The following MUC5B variants were observed in gnomAD, a reference collection of about 807,000 sequenced individuals.
MUC5B encodes mucin 5B, oligomeric mucus/gel-forming.
In MUC5B, 116 loss-of-function variants were observed where a neutral mutation model predicts 376.9. The observed-to-expected ratio is 0.31, with a 90% CI of 0.26 to 0.36. The LOEUF is 0.36. MUC5B is among the 10% of genes least tolerant of loss of function. The pLI is 1.00. For missense variants in MUC5B, 7,165 were observed against 7,769.9 expected (o/e 0.92, Z 2.93); for synonymous variants, 3,517 against 3,390.9 (o/e 1.04, Z -1.29).
chr11:1,234,980 G>A lies in MUC5B; in HGVS notation c.2631-105G>A. On this transcript the variant is annotated intron_variant, in intron 21 of 48. Transcript: ENST00000529681. This position sits in a 1 kb window ranked among gnomAD's most constrained non-coding sequence, Gnocchi z 6.3. Reference sequence around the variant, plus strand: ...CGGAGGAGGGGTCAGGCTGGGCCTGGGGAGGCTGAGGCCCCGTGCTGACCT... The same window carrying A: ...CGGAGGAGGGGTCAGGCTGGGCCTGAGGAGGCTGAGGCCCCGTGCTGACCT... 7.0e-7 allele frequency: 1 copy of A among 1,425,438 alleles called. No homozygotes were observed. Among genetic ancestry groups the A allele is most frequent in the Non-Finnish European group, 9.3e-7 (1 of 1,078,444 alleles). The allele number at this position is 1,425,438 out of a possible 1,614,324, so 88.3% of individuals were successfully genotyped here.
At position 1,234,054 on chromosome 11, in the gene MUC5B, G is replaced by T. The variant is rs1469895932; in HGVS notation, c.2378-151G>T. 5 of 794,678 alleles carry T rather than the reference G, an allele frequency of 6.3e-6. No homozygotes were observed. The African/African-American group carries it at 8.5e-5, about 14-fold the overall frequency. The allele number at this position is 794,678 out of a possible 1,614,324, so 49.2% of individuals were successfully genotyped here. On this transcript the variant is annotated intron_variant, in intron 19 of 48. Coordinates refer to ENST00000529681, the MANE Select transcript of MUC5B (RefSeq NM_002458.3). This position sits in a 1 kb window ranked among gnomAD's most constrained non-coding sequence, Gnocchi z 6.3. Reference sequence around the variant, plus strand: ...GTCTCTGCCCCGCAGTGTGGCCGGGGTGTCCTGGGGTTGGGGGCTGCAGGT... The same window carrying T: ...GTCTCTGCCCCGCAGTGTGGCCGGGTTGTCCTGGGGTTGGGGGCTGCAGGT...
In MUC5B at chr11:1,233,082, G is replaced by T; in HGVS notation, c.2135G>T (p.Cys712Phe). ...AYVVDACQPT[C>F]RGLSEADVTC... is the part of the protein sequence containing the mutation. The stretch of plus-strand genomic sequence containing the variant: ...GTGGTGGATGCCTGCCAGCCCACTT[G>T]CCGCGGCCTGAGTGAGGCCGACGTC... Residue 712 changes from cysteine (C) to phenylalanine (F), a missense_variant, in exon 18 of 49, where the codon TGC (cysteine) becomes TTC (phenylalanine). This residue lies in a region of MUC5B where 530 missense variants were observed against 604.0 expected (regional missense o/e 0.88). Transcript: ENST00000529681. 6.2e-7 allele frequency: 1 copy of T among 1,606,996 alleles called. No individual in the cohort carries two copies.
chr11:1,226,399 G>A (rs1033482032), intron 3 of MUC5B, 123 bp downstream of exon 3: 68 of 1,348,632 alleles, frequency 5.0e-5, no homozygotes, highest in East Asian at 1.0e-4. Context: ...AGAGTCCTCC[G>A]TGTGGGCGGT....
At position 1,246,609 on chromosome 11, in the gene MUC5B, C is replaced by T. The variant is rs1862478271; in HGVS notation, c.9729C>T (p.Ser3243=). The T allele has an allele frequency of 4.3e-6, 7 of 1,613,352 alleles. No homozygotes were observed. Among genetic ancestry groups the T allele is most frequent in the East Asian group, 2.2e-5 (1 of 44,862 alleles). Residue 3243 remains serine (S), a synonymous_variant, in exon 31 of 49, where the codon TCC becomes TCT. Coordinates refer to ENST00000529681, the MANE Select transcript of MUC5B (RefSeq NM_002458.3). ...CCAGCGTTACAGCCATCCCCTCTTC[C>T]TCCCTGGGCACCGCCTGGACCCGCC... The part of the protein sequence containing the change: ...TATSVTAIPS[S]SLGTAWTRLS...
rs1862619995 is a variant in MUC5B, at chr11:1,249,888, C to T, written c.13008C>T (p.Thr4336=). 3.7e-6 allele frequency: 6 copies of T among 1,613,686 alleles called. No individual in the cohort carries two copies. The highest frequency in any genetic ancestry group is 1.1e-5 in the South Asian group (1 of 91,078). Residue 4336 remains threonine, a synonymous_variant, in exon 31 of 49, where the codon ACC becomes ACT. Coordinates refer to ENST00000529681, the MANE Select transcript of MUC5B (RefSeq NM_002458.3). The stretch of plus-strand genomic sequence containing the variant: ...CCTCCACCCTTGGGACCACCGGGAC[C>T]CTCCCAGAACAGACCACCACACCCG... ...IPSSTLGTTG[T]LPEQTTTPVA...
In MUC5B at chr11:1,247,614, A is replaced by G; in HGVS notation, c.10734A>G (p.Ser3578=). ...TTGCEPQCAW[S]EWLDYSYPMP... ...GCTGTGAGCCCCAGTGTGCCTGGTCAGAGTGGCTGGACTACAGCTACCCCA... is the reference window on the plus strand; with the variant it reads ...GCTGTGAGCCCCAGTGTGCCTGGTCGGAGTGGCTGGACTACAGCTACCCCA... The change falls in exon 31 of 49, where the codon TCA becomes TCG. Residue 3578 remains serine, a synonymous_variant. Coordinates refer to ENST00000529681, the MANE Select transcript of MUC5B (RefSeq NM_002458.3). 6.2e-7 allele frequency: 1 copy of G among 1,610,428 alleles called. No individual in the cohort carries two copies. Among genetic ancestry groups the G allele is most frequent in the Non-Finnish European group, 8.5e-7 (1 of 1,179,254 alleles).
At chr11:1,255,301 G>GCGC in intron 36 of MUC5B, 35 bp downstream of exon 36, 2 of 1,507,818 alleles carry the variant, frequency 1.3e-6, no homozygotes, top group South Asian at 2.6e-5. Context: ...AGGCCCTGGG[G>GCGC]CGCCCCCGCC....
rs747082251 is a variant in MUC5B at position 1,227,050 on chromosome 11, C to T, written c.481C>T (p.Arg161Cys). 20 of 1,611,172 alleles carry T rather than the reference C, an allele frequency of 1.2e-5. No individual in the cohort carries two copies. The highest frequency in any genetic ancestry group is 5.5e-5 in the South Asian group (5 of 90,974). Reference protein sequence around the residue: ...NGQREELPYSRTGLLVEQSGD... With the variant: ...NGQREELPYSCTGLLVEQSGD... The stretch of plus-strand genomic sequence containing the variant: ...GCGCAGGGAGGAGCTGCCTTACAGC[C>T]GCACTGGCCTCCTGGTGGAGCAGAG... The change falls in exon 5 of 49, where the codon CGC (arginine) becomes TGC (cysteine). Residue 161 changes from arginine to cysteine, a missense_variant. Arg to Cys is a radical substitution (Grantham distance 180). Coordinates refer to ENST00000529681, the MANE Select transcript of MUC5B (RefSeq NM_002458.3).
At position 1,231,479 on chromosome 11, in the gene MUC5B, G is replaced by A. The variant is rs1226827857; in HGVS notation, c.1597G>A (p.Gly533Arg). The A allele has an allele frequency of 5.6e-6, 9 of 1,610,050 alleles. No homozygotes were observed. The highest frequency in any genetic ancestry group is 1.1e-5 in the South Asian group (1 of 90,562). Residue 533 changes from glycine to arginine, a missense_variant, in exon 14 of 49, where the codon GGG becomes AGG. By Grantham distance (125) the Gly-to-Arg change is moderately radical (BLOSUM62 -2). Transcript: ENST00000529681. ...CTTCATCGTGGTGCAGACAGGCCTG[G>A]GGCTGCAGCTGCTGGTGCAGCTGGT... Reference protein sequence around the residue: ...SFFIVVQTGLGLQLLVQLVPL... With the variant: ...SFFIVVQTGLRLQLLVQLVPL...
chr11:1,256,788 G>C lies in MUC5B; in HGVS notation c.16237+17G>C. The C allele has an allele frequency of 6.6e-7, 1 of 1,518,420 alleles. No individual in the cohort carries two copies. Among genetic ancestry groups the C allele is most frequent in the Non-Finnish European group, 8.8e-7 (1 of 1,133,012 alleles). 94.1% of individuals were successfully genotyped at this position (1,518,420 alleles called of 1,614,324 possible). A position where few individuals can be genotyped will look rare whatever the true frequency, so the allele number is the denominator to read the frequency against. Reference sequence around the variant, plus strand: ...AGGCCTGCCGTAAGCTCCGCCACCTGTGGCGGGATACGACCCTGGGCCCGA... The same window carrying C: ...AGGCCTGCCGTAAGCTCCGCCACCTCTGGCGGGATACGACCCTGGGCCCGA... On this transcript the variant is annotated intron_variant, in intron 39 of 48. Transcript: ENST00000529681.
chr11:1,248,611 G>A lies in MUC5B; in HGVS notation c.11731G>A (p.Gly3911Arg). The A allele has an allele frequency of 6.2e-7, 1 of 1,612,642 alleles. No homozygotes were observed. Among genetic ancestry groups the A allele is most frequent in the Non-Finnish European group, 8.5e-7 (1 of 1,179,504 alleles). The change falls in exon 31 of 49, where the codon GGG becomes AGG. Residue 3911 changes from glycine (G) to arginine (R), a missense_variant. Physicochemically the swap from Gly to Arg is moderately radical, Grantham distance 125 (BLOSUM62 -2). Around this residue, in one of 31 missense-constraint regions of MUC5B, gnomAD observed 242 missense variants for 199.0 expected, o/e 1.22. Transcript: ENST00000529681. ...CACGGTGACCCCCTCCTCCGTCCCG[G>A]GGACCACCCACACCCCCACAGTGCT... ...GSTVTPSSVP[G>R]TTHTPTVLTT...
In MUC5B at chr11:1,243,981, T is replaced by C; in HGVS notation, c.7101T>C (p.Gly2367=). The C allele has an allele frequency of 1.2e-6, 2 of 1,606,258 alleles. No individual in the cohort carries two copies. The highest frequency in any genetic ancestry group is 2.7e-5 in the African/African-American group (2 of 74,756). Residue 2367 remains glycine, a synonymous_variant, in exon 31 of 49, where the codon GGT becomes GGC. Transcript: ENST00000529681. ...AGTGCCGTGCCCAGGCCCAGCCTGG[T>C]GTCCCCCTGCGGGAGTTGGGCCAGG... ...GLECRAQAQP[G]VPLRELGQVV...
At chr11:1,236,334 C>T (rs1336649682) in intron 23 of MUC5B, 52 bp from the exon 24 acceptor site, 3 of 1,555,714 alleles carry the variant, frequency 1.9e-6, no homozygotes, top group Admixed American at 3.7e-5. Flanking sequence ...GTCTCAGGCC[C>T]CTCCCTGGGG....
chr11:1,231,863 G>A (rs2133811839), intron 14 of MUC5B, 133 bp from the exon 15 acceptor site: 2 of 1,280,182 alleles, frequency 1.6e-6, no homozygotes, highest in East Asian at 2.5e-5. Context: ...TATCTGCAGA[G>A]GGTTCTGGGA....
rs1019602676 is a variant in MUC5B, at chr11:1,253,852, C to T, written c.15218-240C>T. On this transcript the variant is annotated intron_variant, in intron 33 of 48. Transcript: ENST00000529681. This position sits in a 1 kb window ranked among gnomAD's most constrained non-coding sequence, Gnocchi z 4.3. Reference sequence around the variant, plus strand: ...TCATTTCAAGATGCTTCCCTTAATCCCATCTGCAAAGACACTTTCTCCCGG... The same window carrying T: ...TCATTTCAAGATGCTTCCCTTAATCTCATCTGCAAAGACACTTTCTCCCGG... Among the ~76,000 whole-genome samples the T allele has an allele frequency of 6.6e-6, 1 of 152,070 alleles. No individual in the cohort carries two copies. The highest frequency in any genetic ancestry group is 2.4e-5 in the African/African-American group (1 of 41,444).
chr11:1,242,439 G>A lies in MUC5B; in HGVS notation c.5559G>A (p.Thr1853=), dbSNP rs375963569. Residue 1853 remains threonine, a synonymous_variant, in exon 31 of 49, where the codon ACG becomes ACA. Transcript: ENST00000529681. ...VGQVLTCSLE[T]GLTCKNEDQT... is the part of the protein sequence containing the mutation. Reference sequence around the variant, plus strand: ...AGGTGCTGACCTGCAGCCTGGAGACGGGGCTGACCTGCAAGAACGAAGACC... The same window carrying A: ...AGGTGCTGACCTGCAGCCTGGAGACAGGGCTGACCTGCAAGAACGAAGACC... 18 of 1,613,624 alleles carry A rather than the reference G, an allele frequency of 1.1e-5. No individual in the cohort carries two copies. The African/African-American group carries it at 1.5e-4, about 13-fold the overall frequency.
Position 1,257,601 on chromosome 11 carries a change from G to A in MUC5B, c.16341G>A (p.Lys5447=), listed in dbSNP as rs770278679. 7 of 1,605,348 alleles carry A rather than the reference G, an allele frequency of 4.4e-6. No homozygotes were observed. The highest frequency in any genetic ancestry group is 4.0e-5 in the African/African-American group (3 of 74,928). Residue 5447 remains lysine (K), a synonymous_variant, in exon 41 of 49, where the codon AAG becomes AAA. Transcript: ENST00000529681. The surrounding 1 kb of genome is among the most constrained non-coding windows in gnomAD (Gnocchi z 8.9). ...CDEGSVSVQC[K]PLPCDAQGQP... The stretch of plus-strand genomic sequence containing the variant: ...AGGGTTCAGTGTCGGTGCAGTGCAA[G>A]CCCCTGCCCTGTGACGCCCAGGGTC...
In MUC5B at chr11:1,243,113, G is replaced by A. The variant is rs376445502; in HGVS notation, c.6233G>A (p.Ser2078Asn). The A allele has an allele frequency of 8.1e-6, 13 of 1,609,250 alleles. No individual in the cohort carries two copies. The highest frequency in any genetic ancestry group is 1.1e-5 in the South Asian group (1 of 90,852). ...GTALTPPVWI[S>N]TTTTPTTRGS... ...GCACTCACGCCTCCAGTGTGGATCA[G>A]CACAACCACCACACCCACAACCAGA... The change falls in exon 31 of 49, where the codon AGC becomes AAC. Residue 2078 changes from serine (S) to asparagine (N), a missense_variant. Around this residue, in one of 31 missense-constraint regions of MUC5B, gnomAD observed 897 missense variants for 779.6 expected, o/e 1.15. Transcript: ENST00000529681.
intron 11 of MUC5B, 59 bp downstream of exon 11, chr11:1,230,202 T>G (rs1861991893): frequency 1.3e-6 from 2 of 1,529,696 alleles, no homozygotes; most frequent in Non-Finnish European, 1.8e-6. Flanking sequence ...CTCATGCCAC[T>G]TCCACCCAGG....
Sources: allele counts gnomAD v4.1 joint callset (sites outside exome capture counted in the v4.1 genomes callset), GRCh38; gene constraint gnomAD v4.1.1; regional missense constraint gnomAD v4.1.1; non-coding constraint Gnocchi (gnomAD v3.1); transcripts MANE v1.5; gene names NCBI Gene and HGNC (gene_info 2026-07-23, HGNC 2026-07-21).